The following PTPRM variants were observed in gnomAD, a reference collection of about 807,000 sequenced individuals.
The protein encoded by PTPRM is protein tyrosine phosphatase receptor type M.
A neutral mutation model predicts 186.7 loss-of-function variants in PTPRM; 47 were observed. The observed-to-expected ratio is 0.25, with a 90% CI of 0.20 to 0.32. The LOEUF (loss-of-function observed/expected upper bound fraction) is 0.32, where lower values mean the gene tolerates loss of function less well. PTPRM is among the 10% of genes least tolerant of loss of function. The probability of loss-of-function intolerance (pLI) is 1.00; values close to 1 mark genes in which losing one functional copy is unlikely to be tolerated. For missense variants in PTPRM, 1,494 were observed against 1,865.0 expected (o/e 0.80, Z 3.66); for synonymous variants, 668 against 674.9 (o/e 0.99, Z 0.16).
At position 8,138,847 on chromosome 18, in the gene PTPRM, G is replaced by GA. The variant is rs1158541159; in HGVS notation, c.2168-4793dup. Among the ~76,000 whole-genome samples the GA allele has an allele frequency of 2.0e-5, 3 of 151,912 alleles. No homozygotes were observed. In the East Asian group the frequency reaches 5.8e-4, roughly 30 times the overall value. The stretch of plus-strand genomic sequence containing the variant: ...GATGCTGTCATTTCTCCCATCTTAA[G>GA]AAAAAAAGACTGTTTCGTGATCCCT... On this transcript the variant is annotated intron_variant, in intron 13 of 32. Transcript: ENST00000580170.
chr18:7,676,663 ATGTGTGTGTGTG>A (rs765723760), intron 1 of PTPRM, among the ~76,000 whole-genome samples: 1 of 103,052 alleles, frequency 9.7e-6, no homozygotes, highest in Non-Finnish European at 2.2e-5. Context: ...GTGTGTGTGT[ATGTGTGTGTGTG>A]TGTGTGTGTG....
chr18:8,195,618 T>G (rs2093767640), intron 14 of PTPRM, among the ~76,000 whole-genome samples: 1 of 152,202 alleles, frequency 6.6e-6, no homozygotes, highest in African/African-American at 2.4e-5. Flanking sequence ...GGCCATTATT[T>G]TAAGTGAAAC....
intron 14 of PTPRM, among the ~76,000 whole-genome samples, chr18:8,232,024 C>T (rs1462612602): frequency 6.6e-6 from 1 of 152,156 alleles, no homozygotes; most frequent in Non-Finnish European, 1.5e-5. Context: ...ATTATAGTAT[C>T]ATATAAATAA....
At chr18:7,705,317 A>ATCTGTCTG (rs1568041033) in intron 1 of PTPRM, among the ~76,000 whole-genome samples, 2 of 146,944 alleles carry the variant, frequency 1.4e-5, no homozygotes, top group African/African-American at 5.1e-5. Flanking sequence ...CTATCTATCT[A>ATCTGTCTG]TCTATCTATC....
At position 7,638,244 on chromosome 18, in the gene PTPRM, T is replaced by A. The variant is rs544670358; in HGVS notation, c.73+70353T>A. ...CAGAATAAAGTATCTGAGAAAGCAT[T>A]ATATCTGTAAGAGGAGAGTGTTTTA... is the stretch of plus-strand genomic sequence containing the variant. On this transcript the variant is annotated intron_variant, in intron 1 of 32. Transcript: ENST00000580170. Among the ~76,000 whole-genome samples the A allele has an allele frequency of 1.4e-4, 22 of 152,298 alleles. No individual in the cohort carries two copies. The South Asian group carries it at 4.6e-3, about 32-fold the overall frequency.
At chr18:8,293,931 A>G (rs541395825) in intron 19 of PTPRM, among the ~76,000 whole-genome samples, 8 of 152,242 alleles carry the variant, frequency 5.3e-5, no homozygotes, top group East Asian at 1.9e-4. Flanking sequence ...TTTACTTTTT[A>G]TATTAGTCCA....
chr18:7,981,931 A>T (rs1445241030), intron 7 of PTPRM, among the ~76,000 whole-genome samples: 1 of 152,220 alleles, frequency 6.6e-6, no homozygotes, highest in Non-Finnish European at 1.5e-5. Context: ...ACACCTGTAC[A>T]GGACATCCAC....
At chr18:8,370,787 T>C (rs1197399067) in intron 23 of PTPRM, 103 bp from the exon 24 acceptor site, 5 of 629,098 alleles carry the variant, frequency 7.9e-6, no homozygotes, top group South Asian at 2.5e-5. Context: ...CAATTAACTT[T>C]TGTGTGCAAA....
intron 2 of PTPRM, among the ~76,000 whole-genome samples, chr18:7,843,797 T>C (rs561593608): frequency 2.0e-5 from 3 of 152,254 alleles, no homozygotes; most frequent in South Asian, 2.1e-4. Flanking sequence ...TAGGACACAA[T>C]GGGAATGGAT....
intron 5 of PTPRM, among the ~76,000 whole-genome samples, chr18:7,940,919 C>T (rs959968023): frequency 6.6e-6 from 1 of 152,072 alleles, no homozygotes; most frequent in Non-Finnish European, 1.5e-5. Flanking sequence ...CTGTCTCAGA[C>T]TTTCCTTGGG....
At chr18:8,295,583 C>T (rs1210393841) in intron 19 of PTPRM, among the ~76,000 whole-genome samples, 2 of 152,138 alleles carry the variant, frequency 1.3e-5, no homozygotes, top group Non-Finnish European at 2.9e-5. Flanking sequence ...TATGTGAGTA[C>T]CGTGGCAAAA....
At position 8,253,395 on chromosome 18, in the gene PTPRM, G is replaced by A. The variant is rs760002009; in HGVS notation, c.2735G>A (p.Gly912Asp). ...CAGATGAAGTGTGCGGAGGGCTACG[G>A]CTTCAAGGAGGAATACGAGGTGAGC... is the stretch of plus-strand genomic sequence containing the variant. Reference protein sequence around the residue: ...ITQMKCAEGYGFKEEYESFFE... With the variant: ...ITQMKCAEGYDFKEEYESFFE... The change falls in exon 19 of 33, where the codon GGC becomes GAC. Residue 912 changes from glycine to aspartate, a missense_variant. Coordinates refer to ENST00000580170, the MANE Select transcript of PTPRM (RefSeq NM_001105244.2). The A allele has an allele frequency of 1.3e-6, 2 of 1,535,660 alleles. No individual in the cohort carries two copies. The highest frequency in any genetic ancestry group is 8.8e-7 in the Non-Finnish European group (1 of 1,141,560).
intron 11 of PTPRM, among the ~76,000 whole-genome samples, chr18:8,093,773 G>A (rs150225297): frequency 1.2e-4 from 19 of 152,138 alleles, no homozygotes; most frequent in Non-Finnish European, 2.8e-4. Flanking sequence ...CAAGCAAAAC[G>A]GTCTTCTGTT....
intron 1 of PTPRM, among the ~76,000 whole-genome samples, chr18:7,621,563 A>G (rs2037939675): frequency 6.6e-6 from 1 of 152,188 alleles, no homozygotes; most frequent in South Asian, 2.1e-4. Context: ...TATATCTGCC[A>G]TTATAGTATC....
intron 11 of PTPRM, among the ~76,000 whole-genome samples, chr18:8,104,292 A>G (rs897471999): frequency 2.6e-5 from 4 of 152,176 alleles, no homozygotes; most frequent in African/African-American, 9.7e-5. Flanking sequence ...TTTATTAAGA[A>G]AATACGTTAC....
At chr18:7,734,594 A>G (rs1442385055) in intron 1 of PTPRM, among the ~76,000 whole-genome samples, 1 of 152,204 alleles carries the variant, frequency 6.6e-6, no homozygotes, top group Non-Finnish European at 1.5e-5. Flanking sequence ...TTTATCAGTT[A>G]TGGTTTCAGA....
intron 1 of PTPRM, among the ~76,000 whole-genome samples, chr18:7,579,982 T>G (rs1342965176): frequency 6.6e-6 from 1 of 152,216 alleles, no homozygotes; most frequent in Non-Finnish European, 1.5e-5. Flanking sequence ...GCTCATCATT[T>G]TGGCCAAGGA....
In PTPRM at chr18:8,253,386, A is replaced by G; in HGVS notation, c.2726A>G (p.Glu909Gly). 2 of 1,554,814 alleles carry G rather than the reference A, an allele frequency of 1.3e-6. No homozygotes were observed. The highest frequency in any genetic ancestry group is 2.4e-5 in the East Asian group (1 of 41,046). The stretch of plus-strand genomic sequence containing the variant: ...CACATCACACAGATGAAGTGTGCGG[A>G]GGGCTACGGCTTCAAGGAGGAATAC... ...LQHITQMKCA[E>G]GYGFKEEYES... is the part of the protein sequence containing the mutation. The change falls in exon 19 of 33, where the codon GAG becomes GGG. Residue 909 changes from glutamate (E) to glycine (G), a missense_variant. Transcript: ENST00000580170.
intron 5 of PTPRM, among the ~76,000 whole-genome samples, chr18:7,938,119 T>C (rs2051942070): frequency 6.6e-6 from 1 of 152,234 alleles, no homozygotes; most frequent in African/African-American, 2.4e-5. Context: ...TTTTATTGTT[T>C]ATTGTTTTTG....
Sources: gnomAD v4.1 joint callset for allele counts (sites outside exome capture counted in the v4.1 genomes callset) on GRCh38, gnomAD v4.1.1 for gene constraint, MANE v1.5 for transcripts, NCBI Gene and HGNC (gene_info 2026-07-23, HGNC 2026-07-21) for gene names.